Variants in DCC observed in about 807,000 individuals in gnomAD.
DCC encodes the protein netrin receptor DCC.
A neutral mutation model predicts 172.5 loss-of-function variants in DCC; 58 were observed. The ratio of observed to expected loss-of-function variants is 0.34; its 90% CI spans 0.27 to 0.42. DCC has a LOEUF of 0.42. Among genes scored for constraint, DCC ranks in the 10% least tolerant of loss-of-function variants. The pLI, the probability that DCC is intolerant of heterozygous loss-of-function variation, is 1.00. For synonymous variants in DCC, 709 were observed against 644.5 expected (o/e 1.10, Z -1.52); for missense variants, 1,740 against 1,791.0 (o/e 0.97, Z 0.51).
At chr18:53,182,631 A>G (rs779334309) in intron 9 of DCC, among the ~76,000 whole-genome samples, 1 of 152,194 alleles carries the variant, frequency 6.6e-6, no homozygotes. Flanking sequence ...TAGGCATTGC[A>G]TGTGTATTTT....
intron 2 of DCC, among the ~76,000 whole-genome samples, chr18:52,776,211 A>G (rs2037429490): frequency 6.6e-6 from 1 of 152,254 alleles, no homozygotes; most frequent in Admixed American, 6.5e-5. Context: ...AAACAATTTT[A>G]TAATAAATAC....
At chr18:52,450,179 G>A (rs1035726279) in intron 1 of DCC, among the ~76,000 whole-genome samples, 3 of 152,036 alleles carry the variant, frequency 2.0e-5, no homozygotes, top group Non-Finnish European at 2.9e-5. Context: ...AGGAATGTTC[G>A]CCAACAGCCA....
At chr18:53,093,821 A>G (rs2043046990) in intron 7 of DCC, among the ~76,000 whole-genome samples, 2 of 152,106 alleles carry the variant, frequency 1.3e-5, no homozygotes, top group Admixed American at 1.3e-4. Context: ...ATTAGGCATG[A>G]CAGATTTGTA....
intron 1 of DCC, among the ~76,000 whole-genome samples, chr18:52,355,423 C>A (rs1984317974): frequency 6.6e-6 from 1 of 152,120 alleles, no homozygotes. Context: ...CTTGGCTCTA[C>A]CAAGATGTAG....
At chr18:53,461,091 G>A (rs940307818) in intron 24 of DCC, among the ~76,000 whole-genome samples, 60 of 152,306 alleles carry the variant, frequency 3.9e-4, no homozygotes, top group Non-Finnish European at 7.6e-4. Flanking sequence ...TTTGAGAAGT[G>A]TCTGTTCATG....
intron 2 of DCC, among the ~76,000 whole-genome samples, chr18:52,858,131 T>A (rs181529646): frequency 6.6e-6 from 1 of 152,210 alleles, no homozygotes; most frequent in Admixed American, 6.5e-5. Context: ...CATGCAGTAG[T>A]TGACATTTAC....
At chr18:53,107,974 C>T (rs1201470686) in intron 7 of DCC, among the ~76,000 whole-genome samples, 1 of 151,090 alleles carries the variant, frequency 6.6e-6, no homozygotes, top group African/African-American at 2.4e-5. Flanking sequence ...TCTTTACTAC[C>T]CTCAAATAGA....
In DCC at chr18:53,391,870, G is replaced by T; in HGVS notation, c.2671G>T (p.Ala891Ser). ...YTVRWRTSFS[A>S]SAKYKSEDTT... ...CGTCCGGTGGAGAACCAGCTTTTCT[G>T]CAAGTGCAAAATACAAGGTGAAGTT... Residue 891 changes from alanine to serine, a missense_variant, in exon 17 of 29, where the codon GCA (alanine) becomes TCA (serine). Transcript: ENST00000442544. 2 of 1,597,848 alleles carry T rather than the reference G, an allele frequency of 1.3e-6. No homozygotes were observed. Among genetic ancestry groups the T allele is most frequent in the Non-Finnish European group, 1.7e-6 (2 of 1,165,134 alleles).
intron 5 of DCC, among the ~76,000 whole-genome samples, chr18:53,051,322 C>T (rs2042331663): frequency 6.6e-6 from 1 of 152,096 alleles, no homozygotes; most frequent in Admixed American, 6.6e-5. Context: ...GCAGATTTAC[C>T]TTCTCATTCC....
At chr18:53,020,929 G>A (rs900926892) in intron 5 of DCC, among the ~76,000 whole-genome samples, 8 of 152,172 alleles carry the variant, frequency 5.3e-5, no homozygotes, top group African/African-American at 1.9e-4. Context: ...AAGAAAAGCA[G>A]GTTCCAAGTT....
intron 1 of DCC, among the ~76,000 whole-genome samples, chr18:52,597,105 C>T (rs1454859075): frequency 2.8e-5 from 4 of 140,834 alleles, no homozygotes; most frequent in Non-Finnish European, 6.6e-5. Flanking sequence ...GAAATTCTTT[C>T]TATTTTTGCC....
chr18:53,284,153 C>G (rs1332375214), intron 12 of DCC, among the ~76,000 whole-genome samples: 2 of 152,180 alleles, frequency 1.3e-5, no homozygotes, highest in African/African-American at 2.4e-5. Context: ...ATACCCTGTA[C>G]AGGCTTAGAC....
chr18:53,223,951 T>C (rs1004630603), intron 12 of DCC, among the ~76,000 whole-genome samples: 7 of 152,186 alleles, frequency 4.6e-5, no homozygotes, highest in African/African-American at 1.7e-4. Context: ...GAATTTCATT[T>C]ATTGCTTTTA....
chr18:53,456,872 G>A (rs917617861), intron 23 of DCC, among the ~76,000 whole-genome samples: 4 of 152,156 alleles, frequency 2.6e-5, no homozygotes, highest in African/African-American at 9.7e-5. Flanking sequence ...GTTCCTATAG[G>A]TTTTAAGACA....
chr18:53,387,750 T>C (rs1243967755), intron 16 of DCC, among the ~76,000 whole-genome samples: 2 of 152,306 alleles, frequency 1.3e-5, no homozygotes, highest in African/African-American at 4.8e-5. Context: ...CTGCCTATGG[T>C]AAAAGATCCC....
At chr18:52,733,992 T>G (rs8095843) in intron 1 of DCC, among the ~76,000 whole-genome samples, 148,819 of 152,176 alleles carry the variant, frequency 0.98, 72,845 homozygotes, top group East Asian at 1. Flanking sequence ...TGCTTGACAA[T>G]ATTTATCACT....
At chr18:52,989,251 G>A (rs1319266465) in intron 5 of DCC, among the ~76,000 whole-genome samples, 3 of 152,054 alleles carry the variant, frequency 2.0e-5, no homozygotes, top group Non-Finnish European at 4.4e-5. Context: ...GGCTGGGTGT[G>A]GTGGCTCACA....
At chr18:53,063,230 C>A in intron 5 of DCC, 75 bp from the exon 6 acceptor site, 2 of 1,353,848 alleles carry the variant, frequency 1.5e-6, no homozygotes, top group Non-Finnish European at 2.1e-6. Flanking sequence ...GTGTTTTAAA[C>A]TCAGTGAAGA....
chr18:52,890,024 T>C (rs2039625377), intron 2 of DCC, among the ~76,000 whole-genome samples: 1 of 152,146 alleles, frequency 6.6e-6, no homozygotes, highest in South Asian at 2.1e-4. Flanking sequence ...TAAAATTTAA[T>C]TGGATGAAAA....
Sources: allele counts gnomAD v4.1 joint callset (sites outside exome capture counted in the v4.1 genomes callset), GRCh38; gene constraint gnomAD v4.1.1; transcripts MANE v1.5; gene names NCBI Gene and HGNC (gene_info 2026-07-23, HGNC 2026-07-21).